The following CLTCL1 variants were observed in gnomAD, a reference collection of about 807,000 sequenced individuals.
CLTCL1 encodes the protein clathrin heavy chain 2.
A neutral mutation model predicts 190.0 loss-of-function variants in CLTCL1; 159 were observed. That is an observed-to-expected ratio of 0.84 (90% confidence interval 0.74 to 0.95). The LOEUF is 0.95. Among genes scored for constraint, CLTCL1 ranks in the 40% least tolerant of loss-of-function variants. The probability of loss-of-function intolerance (pLI) is 0.00; values close to 1 mark genes in which losing one functional copy is unlikely to be tolerated. For synonymous variants in CLTCL1, 752 were observed against 769.6 expected (o/e 0.98, Z 0.38); for missense variants, 1,878 against 2,033.4 (o/e 0.92, Z 1.47).
Position 19,201,390 on chromosome 22 carries a change from C to G in CLTCL1, c.3704G>C (p.Gly1235Ala), listed in dbSNP as rs782630261. Reference protein sequence around the residue: ...ARLASTLVHLGEYQAAVDNSR... With the variant: ...ARLASTLVHLAEYQAAVDNSR... Reference sequence around the variant, plus strand: ...GTTGTCCACTGCTGCCTGATACTCACCGAGGTGAACCAAGGTGGAAGCCAG... The same window carrying G: ...GTTGTCCACTGCTGCCTGATACTCAGCGAGGTGAACCAAGGTGGAAGCCAG... Residue 1235 changes from glycine (G) to alanine (A), a missense_variant, in exon 23 of 33, where the codon GGT becomes GCT. Gly to Ala is a moderately conservative substitution (Grantham distance 60). Transcript: ENST00000427926. 6.2e-7 allele frequency: 1 copy of G among 1,613,716 alleles called. No homozygotes were observed. The highest frequency in any genetic ancestry group is 1.3e-5 in the African/African-American group (1 of 74,938).
Position 19,191,355 on chromosome 22 carries a change from C to T in CLTCL1, c.4272G>A (p.Leu1424=), listed in dbSNP as rs527491655. ...YKPLLINDLL[L]VLSPRLDHTW... is the part of the protein sequence containing the mutation. Reference sequence around the variant, plus strand: ...TGTGGTCCAGCCGGGGTGAAAGCACCAGCAGCAGGTCATTGATGAGCAGTG... The same window carrying T: ...TGTGGTCCAGCCGGGGTGAAAGCACTAGCAGCAGGTCATTGATGAGCAGTG... Residue 1424 remains leucine, a synonymous_variant, in exon 27 of 33, where the codon CTG becomes CTA. Transcript: ENST00000427926. 145 of 1,613,832 alleles carry T rather than the reference C, an allele frequency of 9.0e-5. No individual in the cohort carries two copies. Among genetic ancestry groups the T allele is most frequent in the South Asian group, 4.4e-4 (40 of 91,086 alleles).
chr22:19,240,413 C>T (rs1311849120), intron 4 of CLTCL1, among the ~76,000 whole-genome samples: 2 of 151,880 alleles, frequency 1.3e-5, no homozygotes, highest in Non-Finnish European at 2.9e-5. Context: ...TCTGGGTTTG[C>T]GGTCTGGGTT....
At chr22:19,239,196 A>C in intron 5 of CLTCL1, 79 bp downstream of exon 5, 2 of 1,121,316 alleles carry the variant, frequency 1.8e-6, no homozygotes, top group South Asian at 2.5e-5. Flanking sequence ...CAGACTAAAA[A>C]TGGCAGCCTC....
chr22:19,243,050 T>C lies in CLTCL1; in HGVS notation c.520-114A>G, dbSNP rs142336517. ...TCATACATTAGAGGTATACTTCCTC[T>C]AGTAAAAATTAAATGTATTAGCTAT... On this transcript the variant is annotated intron_variant, in intron 3 of 32. Coordinates refer to ENST00000427926, the MANE Select transcript of CLTCL1 (RefSeq NM_007098.4). 1,320 of 993,444 alleles carry C rather than the reference T, an allele frequency of 1.3e-3. 10 individuals carry two copies. The African/African-American group carries it at 0.016, about 12-fold the overall frequency. 61.5% of individuals were successfully genotyped at this position (993,444 alleles called of 1,614,324 possible). A position where few individuals can be genotyped will look rare whatever the true frequency, so the allele number is the denominator to read the frequency against.
chr22:19,232,428 A>G, intron 10 of CLTCL1, 48 bp downstream of exon 10: 2 of 1,611,260 alleles, frequency 1.2e-6, no homozygotes, highest in East Asian at 2.2e-5. Context: ...AATCTTCTAG[A>G]TGGCTCTAAA....
chr22:19,211,293 G>T (rs933004534), intron 19 of CLTCL1, among the ~76,000 whole-genome samples: 1 of 152,160 alleles, frequency 6.6e-6, no homozygotes, highest in Non-Finnish European at 1.5e-5. Context: ...AAAGCCCACT[G>T]TTAACATCAT....
rs1555956115 is a variant in CLTCL1 at position 19,226,359 on chromosome 22, T to C, written c.1807A>G (p.Lys603Glu). ...PQVADAILGN[K>E]MFTHYDRAHI... ...GCCCGGTCGTAATGAGTAAACATTTTATTTCCAAGGATGGCATCTGCAACC... is the reference window on the plus strand; with the variant it reads ...GCCCGGTCGTAATGAGTAAACATTTCATTTCCAAGGATGGCATCTGCAACC... The change falls in exon 12 of 33, where the codon AAA (lysine) becomes GAA (glutamate). Residue 603 changes from lysine to glutamate, a missense_variant. Transcript: ENST00000427926. 1 of 1,614,056 alleles carries C rather than the reference T, an allele frequency of 6.2e-7. No individual in the cohort carries two copies. Among genetic ancestry groups the C allele is most frequent in the Non-Finnish European group, 8.5e-7 (1 of 1,179,888 alleles).
At chr22:19,249,120 A>T (rs1226370010) in intron 3 of CLTCL1, among the ~76,000 whole-genome samples, 1 of 152,208 alleles carries the variant, frequency 6.6e-6, no homozygotes, top group Non-Finnish European at 1.5e-5. Flanking sequence ...GCACTCTGGG[A>T]GGCCGAAGCG....
At chr22:19,241,479 C>T (rs1555965386) in intron 4 of CLTCL1, among the ~76,000 whole-genome samples, 1 of 152,208 alleles carries the variant, frequency 6.6e-6, no homozygotes, top group East Asian at 1.9e-4. Flanking sequence ...ATGAGGAGGG[C>T]ATGAAGTATG....
At chr22:19,224,619 C>T (rs990145176) in intron 13 of CLTCL1, among the ~76,000 whole-genome samples, 2 of 152,160 alleles carry the variant, frequency 1.3e-5, no homozygotes, top group Admixed American at 6.6e-5. Flanking sequence ...CCCTCCCTGT[C>T]GAGGTCTTTC....
At chr22:19,233,664 A>C in intron 7 of CLTCL1, 42 bp from the exon 8 acceptor site, 1 of 1,576,102 alleles carries the variant, frequency 6.3e-7, no homozygotes, top group East Asian at 2.2e-5. Context: ...TTGTAATCAC[A>C]GGGGATCCCT....
chr22:19,187,882 C>T, intron 28 of CLTCL1, 99 bp downstream of exon 28: 3 of 1,382,732 alleles, frequency 2.2e-6, no homozygotes, highest in Non-Finnish European at 3.1e-6. Context: ...GGGGCCTGCA[C>T]ACCCTCCTGT....
At chr22:19,235,561 G>A in intron 6 of CLTCL1, 135 bp downstream of exon 6, 1 of 771,696 alleles carries the variant, frequency 1.3e-6, no homozygotes. Context: ...TATGAAGGAG[G>A]AGACATGGGT....
rs2085963294 is a variant in CLTCL1 at position 19,233,053 on chromosome 22, A to G, written c.1521+113T>C. The G allele has an allele frequency of 2.7e-6, 3 of 1,127,170 alleles. No individual in the cohort carries two copies. In the East Asian group the frequency reaches 7.1e-5, roughly 27 times the overall value. 69.8% of individuals were successfully genotyped at this position (1,127,170 alleles called of 1,614,324 possible). On this transcript the variant is annotated intron_variant, in intron 9 of 32. Transcript: ENST00000427926. ...TAAAGATCCTAACAGCAACATTGCC[A>G]ACTCTCACACCAGAGGACTTACAAA...
rs2088126768 is a variant in CLTCL1, at chr22:19,291,573, GCAGCCCCC to G, written c.42+19_42+26del. 1 of 1,356,382 alleles carries G rather than the reference GCAGCCCCC, an allele frequency of 7.4e-7. No individual in the cohort carries two copies. Among genetic ancestry groups the G allele is most frequent in the African/African-American group, 1.5e-5 (1 of 65,992 alleles). 84.0% of individuals were successfully genotyped at this position (1,356,382 alleles called of 1,614,324 possible). ...GCCCGGCGGAGGCGCGGCTGACAGGGCAGCCCCCCAGCCCGCCGGGCCTCACCTGGAAG... is the reference window on the plus strand; with the variant it reads ...GCCCGGCGGAGGCGCGGCTGACAGGGCAGCCCGCCGGGCCTCACCTGGAAG... On this transcript the variant is annotated intron_variant, in intron 1 of 32. Coordinates refer to ENST00000427926, the MANE Select transcript of CLTCL1 (RefSeq NM_007098.4).
chr22:19,290,066 C>G (rs12168574), intron 1 of CLTCL1, among the ~76,000 whole-genome samples: 121 of 152,322 alleles, frequency 7.9e-4, no homozygotes, highest in African/African-American at 2.9e-3. Flanking sequence ...CCACAAGCCA[C>G]AAGCATTTTC....
intron 18 of CLTCL1, among the ~76,000 whole-genome samples, chr22:19,216,975 G>A (rs1339869142): frequency 3.3e-5 from 5 of 152,170 alleles, no homozygotes; most frequent in African/African-American, 1.2e-4. Context: ...ATCAATGAGA[G>A]GGAAGAGACA....
At position 19,291,458 on chromosome 22, in the gene CLTCL1, C is replaced by T. The variant is rs115386229; in HGVS notation, c.42+142G>A. On this transcript the variant is annotated intron_variant, in intron 1 of 32. Transcript: ENST00000427926. ...GCCGCCGCGCCCGGGACGCCGCAGC[C>T]CCAGCCCAGGTGGGAGGTCGGAAAT... 8,894 of 784,326 alleles carry T rather than the reference C, an allele frequency of 0.011. 630 individuals carry two copies. In the African/African-American group the frequency reaches 0.14, roughly 13 times the overall value. The allele number at this position is 784,326 out of a possible 1,614,324, so 48.6% of individuals were successfully genotyped here.
Position 19,223,943 on chromosome 22 carries a change from A to C in CLTCL1, c.2240T>G (p.Ile747Arg). 1 of 1,613,952 alleles carries C rather than the reference A, an allele frequency of 6.2e-7. No homozygotes were observed. Among genetic ancestry groups the C allele is most frequent in the Non-Finnish European group, 8.5e-7 (1 of 1,179,898 alleles). The change falls in exon 14 of 33, where the codon ATA becomes AGA. Residue 747 changes from isoleucine to arginine, a missense_variant. Coordinates refer to ENST00000427926, the MANE Select transcript of CLTCL1 (RefSeq NM_007098.4). ...KTGQIKEVERICRESSCYNPE... is the reference protein window; with the variant it reads ...KTGQIKEVERRCRESSCYNPE... The stretch of plus-strand genomic sequence containing the variant: ...GTTGTAGCAGCTGCTCTCTCGGCAT[A>C]TCCTCTCCACCTCCTTGATCTGCCC...
Sources: gnomAD v4.1 joint callset for allele counts (sites outside exome capture counted in the v4.1 genomes callset) on GRCh38, gnomAD v4.1.1 for gene constraint, MANE v1.5 for transcripts, NCBI Gene and HGNC (gene_info 2026-07-23, HGNC 2026-07-21) for gene names.